The following ITGB8 variants were observed in gnomAD, a reference collection of about 807,000 sequenced individuals.
ITGB8 encodes integrin subunit beta 8.
Under a neutral mutation model 89.5 loss-of-function variants are expected in ITGB8, and 30 were observed. The observed-to-expected ratio is 0.34, with a 90% confidence interval of 0.25 to 0.45. ITGB8 has a LOEUF of 0.45. ITGB8 is among the 20% of genes least tolerant of loss of function. The pLI is 1.00. For missense variants in ITGB8, 836 were observed against 933.3 expected (o/e 0.90, Z 1.36); for synonymous variants, 335 against 320.4 (o/e 1.05, Z -0.49).
At chr7:20,358,059 G>A (rs537193158) in intron 1 of ITGB8, among the ~76,000 whole-genome samples, 15 of 152,160 alleles carry the variant, frequency 9.9e-5, no homozygotes, top group African/African-American at 2.6e-4. Context: ...TCCGCCTCCC[G>A]AGTTCAAGCA....
chr7:20,372,979 G>A (rs755288225), intron 3 of ITGB8, among the ~76,000 whole-genome samples: 8 of 152,154 alleles, frequency 5.3e-5, no homozygotes, highest in Non-Finnish European at 8.8e-5. Flanking sequence ...TCCATGATGT[G>A]AAAGTCCTTT....
intron 12 of ITGB8, among the ~76,000 whole-genome samples, chr7:20,408,588 T>G (rs1170012028): frequency 6.6e-6 from 1 of 152,148 alleles, no homozygotes; most frequent in Non-Finnish European, 1.5e-5. Context: ...CTTGGAACTT[T>G]GGATGAGGTT....
rs1784420332 is a variant in ITGB8 at position 20,332,045 on chromosome 7, A to G, written c.127+112A>G. 4 of 1,486,494 alleles carry G rather than the reference A, an allele frequency of 2.7e-6. No individual in the cohort carries two copies. In the South Asian group the frequency reaches 5.3e-5, roughly 20 times the overall value. 92.1% of individuals were successfully genotyped at this position (1,486,494 alleles called of 1,614,324 possible). On this transcript the variant is annotated intron_variant, in intron 1 of 13. Transcript: ENST00000222573. Reference sequence around the variant, plus strand: ...CCAGGTAAGTTGCGGTCATCAGAGAACTTCAAGGGGGCGGGTGCGGGGCAG... The same window carrying G: ...CCAGGTAAGTTGCGGTCATCAGAGAGCTTCAAGGGGGCGGGTGCGGGGCAG...
At chr7:20,407,394 C>T (rs1787589896) in intron 12 of ITGB8, among the ~76,000 whole-genome samples, 1 of 151,490 alleles carries the variant, frequency 6.6e-6, no homozygotes, top group South Asian at 2.1e-4. Context: ...TTATTTAGAA[C>T]CCAGAACCTT....
chr7:20,374,634 G>A (rs749045532), intron 3 of ITGB8, among the ~76,000 whole-genome samples: 7 of 152,132 alleles, frequency 4.6e-5, no homozygotes, highest in Non-Finnish European at 1.0e-4. Flanking sequence ...ACTGAGTGGT[G>A]TCTTTAACTG....
intron 1 of ITGB8, among the ~76,000 whole-genome samples, chr7:20,351,604 T>C (rs1411306830): frequency 6.6e-6 from 1 of 152,234 alleles, no homozygotes; most frequent in African/African-American, 2.4e-5. Flanking sequence ...TCAAAAGATA[T>C]TAAATATATT....
chr7:20,331,290 C>T lies in ITGB8; in HGVS notation c.-517C>T. 2.8e-6 allele frequency: 1 copy of T among 355,982 alleles called. No homozygotes were observed. 22.1% of individuals were successfully genotyped at this position (355,982 alleles called of 1,614,324 possible). A position where few individuals can be genotyped will look rare whatever the true frequency, so the allele number is the denominator to read the frequency against. On this transcript the variant is annotated 5_prime_UTR_variant, in exon 1 of 14. Transcript: ENST00000222573. Reference sequence around the variant, plus strand: ...GGAAGCAACTGCGCTGATTGATGCGCCACAGACTTTTTTCCCCTCGACCTC... The same window carrying T: ...GGAAGCAACTGCGCTGATTGATGCGTCACAGACTTTTTTCCCCTCGACCTC...
At chr7:20,335,653 C>T (rs1784549692) in intron 1 of ITGB8, among the ~76,000 whole-genome samples, 1 of 152,182 alleles carries the variant, frequency 6.6e-6, no homozygotes, top group African/African-American at 2.4e-5. Context: ...TTGTCCGTAA[C>T]TCCTCTCTCC....
At chr7:20,393,273 G>A (rs1200012773) in intron 7 of ITGB8, among the ~76,000 whole-genome samples, 1 of 152,108 alleles carries the variant, frequency 6.6e-6, no homozygotes, top group South Asian at 2.1e-4. Flanking sequence ...GCCATTAACT[G>A]ATAAACCATA....
chr7:20,409,804 C>G (rs1406076849), intron 13 of ITGB8, 26 bp downstream of exon 13: 1 of 1,610,962 alleles, frequency 6.2e-7, no homozygotes, highest in Non-Finnish European at 8.5e-7. Flanking sequence ...AAAAGAACTG[C>G]TAACAGTATG....
intron 2 of ITGB8, chr7:20,365,448 C>T (rs539389678): frequency 6.6e-6 from 1 of 152,288 alleles, no homozygotes; most frequent in East Asian, 1.9e-4. Context: ...TATAAACTTG[C>T]ACATATTACC....
intron 12 of ITGB8, among the ~76,000 whole-genome samples, chr7:20,407,558 A>C (rs932126847): frequency 6.6e-6 from 1 of 152,164 alleles, no homozygotes; most frequent in Non-Finnish European, 1.5e-5. Flanking sequence ...ACAAAAGAGT[A>C]AACTTTCTCC....
At chr7:20,356,433 C>T (rs1488511429) in intron 1 of ITGB8, among the ~76,000 whole-genome samples, 3 of 152,138 alleles carry the variant, frequency 2.0e-5, no homozygotes, top group Non-Finnish European at 4.4e-5. Flanking sequence ...CAGTTATACT[C>T]TAAACTTTAC....
chr7:20,363,988 T>C (rs1360721143), intron 2 of ITGB8, among the ~76,000 whole-genome samples: 2 of 152,298 alleles, frequency 1.3e-5, no homozygotes, highest in South Asian at 2.1e-4. Context: ...ATAGAGAGAA[T>C]TGGCAACCAC....
At chr7:20,375,534 T>G (rs1786105613) in intron 3 of ITGB8, among the ~76,000 whole-genome samples, 2 of 152,182 alleles carry the variant, frequency 1.3e-5, no homozygotes, top group South Asian at 4.1e-4. Flanking sequence ...AAAAAACAAC[T>G]GAAGCATCAC....
intron 1 of ITGB8, among the ~76,000 whole-genome samples, chr7:20,351,690 G>A (rs985427688): frequency 9.9e-5 from 15 of 152,238 alleles, no homozygotes; most frequent in East Asian, 3.9e-4. Flanking sequence ...TTAATTTACC[G>A]GTGTTTGTTT....
chr7:20,397,148 G>A (rs1787115034), intron 8 of ITGB8, among the ~76,000 whole-genome samples: 1 of 151,828 alleles, frequency 6.6e-6, no homozygotes, highest in African/African-American at 2.4e-5. Context: ...TCCCCAAACT[G>A]GGCAAAATTT....
intron 3 of ITGB8, among the ~76,000 whole-genome samples, chr7:20,373,090 TTC>T (rs1786000292): frequency 6.6e-6 from 1 of 152,216 alleles, no homozygotes; most frequent in South Asian, 2.1e-4. Context: ...CACTTTATTC[TTC>T]TCTGATAAAA....
chr7:20,380,982 T>C, intron 5 of ITGB8, 151 bp downstream of exon 5: 1 of 644,432 alleles, frequency 1.6e-6, no homozygotes, highest in South Asian at 2.1e-5. Context: ...GGTGATTCAT[T>C]TCGGTATGTG....
Sources: gnomAD v4.1 joint callset for allele counts (sites outside exome capture counted in the v4.1 genomes callset) on GRCh38, gnomAD v4.1.1 for gene constraint, MANE v1.5 for transcripts, NCBI Gene and HGNC (gene_info 2026-07-23, HGNC 2026-07-21) for gene names.